The following ADAMTS13 variants were observed in gnomAD, a reference collection of about 807,000 sequenced individuals.
ADAMTS13 encodes the protein ADAM metallopeptidase with thrombospondin type 1 motif 13.
Under a neutral mutation model 155.1 loss-of-function variants are expected in ADAMTS13, and 110 were observed. The ratio of observed to expected loss-of-function variants is 0.71; its 90% CI spans 0.61 to 0.83. The LOEUF (loss-of-function observed/expected upper bound fraction) is 0.83. Among genes scored for constraint, ADAMTS13 ranks in the 40% least tolerant of loss-of-function variants. The pLI is 0.00. For missense variants in ADAMTS13, 1,707 were observed against 1,891.7 expected (o/e 0.90, Z 1.81); for synonymous variants, 758 against 756.4 (o/e 1.00, Z -0.03).
chr9:133,439,363 T>A lies in ADAMTS13; in HGVS notation c.1706-3T>A, dbSNP rs781888317. ...GCATCTCTCCTTCTTTTCTTCTTTCTAGAATATGTCACGTTTCTGACAGTT... is the reference window on the plus strand; with the variant it reads ...GCATCTCTCCTTCTTTTCTTCTTTCAAGAATATGTCACGTTTCTGACAGTT... On this transcript the variant is annotated splice_polypyrimidine_tract_variant and splice_region_variant and intron_variant, in intron 14 of 28. Coordinates refer to ENST00000355699, the MANE Select transcript of ADAMTS13 (RefSeq NM_139027.6). The A allele has an allele frequency of 8.1e-6, 13 of 1,608,342 alleles. No homozygotes were observed. In the East Asian group the frequency reaches 2.9e-4, roughly 36 times the overall value.
intron 9 of ADAMTS13, 58 bp from the exon 10 acceptor site, chr9:133,433,320 G>A: frequency 1.4e-5 from 22 of 1,606,940 alleles, no homozygotes; most frequent in Non-Finnish European, 1.7e-6. Context: ...TGTGTGTGTT[G>A]GGAGTCCTGT....
intron 12 of ADAMTS13, among the ~76,000 whole-genome samples, chr9:133,437,414 G>A (rs1436613774): frequency 6.6e-6 from 1 of 152,106 alleles, no homozygotes; most frequent in Non-Finnish European, 1.5e-5. Flanking sequence ...GCACTACCAT[G>A]CCGGCTAATT....
At chr9:133,432,345 G>GA (rs1263545841) in intron 8 of ADAMTS13, among the ~76,000 whole-genome samples, 1 of 152,176 alleles carries the variant, frequency 6.6e-6, no homozygotes, top group South Asian at 2.1e-4. Flanking sequence ...AGGAAAAAAA[G>GA]AAAAAAGACA....
chr9:133,421,651 A>C (rs992013927), upstream of ADAMTS13, among the ~76,000 whole-genome samples: 3 of 152,166 alleles, frequency 2.0e-5, no homozygotes, highest in Admixed American at 2.0e-4. Flanking sequence ...GGAATGAATG[A>C]ATGGCTCTAG....
In ADAMTS13 at chr9:133,431,002, G is replaced by A. The variant is rs147768737; in HGVS notation, c.987+901G>A. Among the ~76,000 whole-genome samples the A allele has an allele frequency of 1.7e-3, 262 of 151,942 alleles. 3 individuals are homozygous for A. Among genetic ancestry groups the A allele is most frequent in the East Asian group, 0.011 (59 of 5,158 alleles). The stretch of plus-strand genomic sequence containing the variant: ...TTCTTTTGAGACAGGGCCTCGTTCT[G>A]TTGCCCAGGGTGGAGTGCAGTAGCA... On this transcript the variant is annotated intron_variant, in intron 8 of 28. Transcript: ENST00000355699.
At chr9:133,414,559 TAA>T (rs782447951) in exon 1 of ADAMTS13, 1 of 967,828 alleles carries the variant, frequency 1.0e-6, no homozygotes, top group Non-Finnish European at 1.7e-6. Flanking sequence ...GACATCAGGG[TAA>T]AGTGATGGAG....
At position 133,423,125 on chromosome 9, in the gene ADAMTS13, C is replaced by T. The variant is rs1554784015; in HGVS notation, c.130C>T (p.Gln44Ter). The change falls in exon 2 of 29, where the codon CAG becomes TAG. Residue 44 changes from glutamine (Q) to a stop codon, truncating the protein, a stop_gained. Transcript: ENST00000355699. LOFTEE classifies it high-confidence loss of function. The part of the protein sequence containing the change: ...QQSCLQALEP[Q>*]AVSSYLSPGA... ...GAGTTGTCTTCAGGCTTTGGAGCCA[C>T]AGGCCGTGTCTTCTTACTTGAGCCC... 1 of 1,613,902 alleles carries T rather than the reference C, an allele frequency of 6.2e-7. No homozygotes were observed. Among genetic ancestry groups the T allele is most frequent in the Non-Finnish European group, 8.5e-7 (1 of 1,179,960 alleles).
At chr9:133,455,974 A>T (rs1199956041) in intron 25 of ADAMTS13, 95 bp from the exon 26 acceptor site, 1 of 1,546,744 alleles carries the variant, frequency 6.5e-7, no homozygotes, top group Non-Finnish European at 8.9e-7. Flanking sequence ...GTCCACCCCT[A>T]CCTCCTGGTC....
chr9:133,441,578 C>A lies in ADAMTS13; in HGVS notation c.1969-821C>A, dbSNP rs782735840. Among the ~76,000 whole-genome samples, 1 of 152,208 alleles carries A rather than the reference C, an allele frequency of 6.6e-6. No homozygotes were observed. Among genetic ancestry groups the A allele is most frequent in the South Asian group, 2.1e-4 (1 of 4,826 alleles). The stretch of plus-strand genomic sequence containing the variant: ...GGGGCAGGTGCGGAATGTCACCTCG[C>A]CCTGGGCTCTGGCCTCCAGGCTGGC... On this transcript the variant is annotated intron_variant, in intron 16 of 28. Transcript: ENST00000355699. The surrounding 1 kb of genome is among the most constrained non-coding windows in gnomAD (Gnocchi z 5.0).
chr9:133,449,575 C>T (rs1554793740), intron 22 of ADAMTS13, among the ~76,000 whole-genome samples: 1 of 152,174 alleles, frequency 6.6e-6, no homozygotes, highest in Non-Finnish European at 1.5e-5. Context: ...TCACCTTTCT[C>T]TTCTGTAAAA....
intron 7 of ADAMTS13, among the ~76,000 whole-genome samples, chr9:133,429,294 C>A (rs1258600224): frequency 1.4e-5 from 2 of 139,900 alleles, no homozygotes; most frequent in African/African-American, 5.4e-5. Context: ...CTGCGCCCAC[C>A]CCTGCGTCCT....
chr9:133,424,016 C>G lies in ADAMTS13; in HGVS notation c.173-305C>G, dbSNP rs1840114854. Among the ~76,000 whole-genome samples, 1 of 152,234 alleles carries G rather than the reference C, an allele frequency of 6.6e-6. No homozygotes were observed. The highest frequency in any genetic ancestry group is 1.5e-5 in the Non-Finnish European group (1 of 68,036). On this transcript the variant is annotated intron_variant, in intron 2 of 28. Transcript: ENST00000355699. This position sits in a 1 kb window ranked among gnomAD's most constrained non-coding sequence, Gnocchi z 4.3. ...GGTCCATGATGTTACTTGTGAAACA[C>G]CTGTGCCCAGAGCAGGGTCCAGGAG...
Position 133,425,260 on chromosome 9 carries a change from C to G in ADAMTS13, c.331-269C>G, listed in dbSNP as rs1398967479. 2.0e-5 allele frequency among the ~76,000 whole-genome samples: 3 copies of G among 152,222 alleles called. No homozygotes were observed. The highest frequency in any genetic ancestry group is 2.0e-4 in the Admixed American group (3 of 15,282). On this transcript the variant is annotated intron_variant, in intron 3 of 28. Coordinates refer to ENST00000355699, the MANE Select transcript of ADAMTS13 (RefSeq NM_139027.6). The surrounding 1 kb of genome is among the most constrained non-coding windows in gnomAD (Gnocchi z 4.6). ...CAGCGTTTGACCGGAATATCCGACT[C>G]GTGACCATCTGTGTGCTCTCATCCC...
chr9:133,447,085 C>G (rs937050120), intron 21 of ADAMTS13, among the ~76,000 whole-genome samples: 11 of 152,134 alleles, frequency 7.2e-5, no homozygotes, highest in Admixed American at 1.3e-4. Context: ...AAACTCTTGA[C>G]CTCAGGTGAT....
chr9:133,456,571 C>G lies in ADAMTS13; in HGVS notation c.3576C>G (p.Leu1192=), dbSNP rs1053758346. 3 of 1,613,570 alleles carry G rather than the reference C, an allele frequency of 1.9e-6. No individual in the cohort carries two copies. The highest frequency in any genetic ancestry group is 8.5e-7 in the Non-Finnish European group (1 of 1,179,968). ...AGDMLLLWGR[L]TWRKMCRKLL... is the part of the protein sequence containing the mutation. The stretch of plus-strand genomic sequence containing the variant: ...ACATGTTGCTGCTTTGGGGCCGGCT[C>G]ACCTGGAGGAAGATGTGCAGGAAGC... The change falls in exon 27 of 29, where the codon CTC becomes CTG. Residue 1192 remains leucine, a synonymous_variant. Coordinates refer to ENST00000355699, the MANE Select transcript of ADAMTS13 (RefSeq NM_139027.6). This position sits in a 1 kb window ranked among gnomAD's most constrained non-coding sequence, Gnocchi z 4.4.
intron 9 of ADAMTS13, among the ~76,000 whole-genome samples, chr9:133,433,120 TGGA>T (rs1840895889): frequency 8.6e-6 from 1 of 115,748 alleles, no homozygotes; most frequent in South Asian, 3.0e-4. Context: ...CTCTGGGTGT[TGGA>T]GGATCCCTGT....
intron 1 of ADAMTS13, chr9:133,415,584 C>A (rs1225144573): frequency 6.5e-6 from 1 of 152,820 alleles, no homozygotes; most frequent in Non-Finnish European, 1.5e-5. Context: ...GTCTTAGAGC[C>A]CAGCTTCCTC....
chr9:133,417,708 C>A (rs1195502518), upstream of ADAMTS13: 8 of 1,614,044 alleles, frequency 5.0e-6, no homozygotes, highest in East Asian at 1.8e-4. Flanking sequence ...TGGCTTCTTG[C>A]TTACTTCCCG....
chr9:133,424,193 TG>T lies in ADAMTS13; in HGVS notation c.173-123del. On this transcript the variant is annotated intron_variant, in intron 2 of 28. Coordinates refer to ENST00000355699, the MANE Select transcript of ADAMTS13 (RefSeq NM_139027.6). This position sits in a 1 kb window ranked among gnomAD's most constrained non-coding sequence, Gnocchi z 4.3. ...CACTAATGGGGTCTGGCTCTTGGGG[TG>T]GGGGTGACACGCAATGTCTTGACTT... The T allele has an allele frequency of 6.9e-7, 1 of 1,443,178 alleles. No homozygotes were observed. The allele number at this position is 1,443,178 out of a possible 1,614,324, so 89.4% of individuals were successfully genotyped here.
Sources: gnomAD v4.1 joint callset for allele counts (sites outside exome capture counted in the v4.1 genomes callset) on GRCh38, gnomAD v4.1.1 for gene constraint, Gnocchi (gnomAD v3.1) non-coding constraint, MANE v1.5 for transcripts, NCBI Gene and HGNC (gene_info 2026-07-23, HGNC 2026-07-21) for gene names.